The following TAF1L variants were observed in gnomAD, a reference collection of about 807,000 sequenced individuals.
The protein encoded by TAF1L is transcription initiation factor TFIID subunit 1-like.
A neutral mutation model predicts 128.8 loss-of-function variants in TAF1L; 30 were observed. The ratio of observed to expected loss-of-function variants is 0.23; its 90% CI spans 0.17 to 0.32. The LOEUF (loss-of-function observed/expected upper bound fraction) is 0.32. Ranked by LOEUF, TAF1L falls within the 10% of genes least tolerant of loss-of-function variation. The pLI is 1.00. For missense variants in TAF1L, 2,099 were observed against 2,253.7 expected (o/e 0.93, Z 1.39); for synonymous variants, 764 against 790.7 (o/e 0.97, Z 0.57).
rs150301057 is a variant in TAF1L at position 32,632,439 on chromosome 9, C to T, written c.3141G>A (p.Val1047=). The change falls in exon 1 of 1, where the codon GTG becomes GTA. Residue 1047 remains valine (V), a synonymous_variant. Coordinates refer to ENST00000242310, the MANE Select transcript of TAF1L (RefSeq NM_153809.2). This position sits in a 1 kb window ranked among gnomAD's most constrained non-coding sequence, Gnocchi z 4.4. ...KKLSRWEVID[V]VRTMSTEQAH... ...CCTGTTCTGTTGACATTGTGCGCAC[C>T]ACATCAATCACTTCCCAGCGGGACA... The T allele has an allele frequency of 1.2e-5, 20 of 1,614,096 alleles. No homozygotes were observed. The highest frequency in any genetic ancestry group is 8.0e-5 in the African/African-American group (6 of 74,938).
In TAF1L at chr9:32,635,182, A is replaced by C; in HGVS notation, c.398T>G (p.Leu133Arg). 6.2e-7 allele frequency: 1 copy of C among 1,614,096 alleles called. No homozygotes were observed. The highest frequency in any genetic ancestry group is 8.5e-7 in the Non-Finnish European group (1 of 1,180,020). Residue 133 changes from leucine (L) to arginine (R), a missense_variant, in exon 1 of 1, where the codon CTT becomes CGT. Physicochemically the swap from Leu to Arg is moderately radical, Grantham distance 102. Transcript: ENST00000242310. ...ATCTTCATCATAATCCGAGTGGTAAAGGGGCTGCAAGCTCCCCATCGTCTG... is the reference window on the plus strand; with the variant it reads ...ATCTTCATCATAATCCGAGTGGTAACGGGGCTGCAAGCTCCCCATCGTCTG... ...HQQTMGSLQP[L>R]YHSDYDEDDY... is the part of the protein sequence containing the mutation.
rs1400177714 is a variant in TAF1L at position 32,631,381 on chromosome 9, G to A, written c.4199C>T (p.Pro1400Leu). ...HKSIHRRRTD[P>L]MVTLSSILES... Reference sequence around the variant, plus strand: ...CAGGATGGATGACAGCGTCACCATAGGGTCTGTGCGGCGTCGGTGGATGGA... The same window carrying A: ...CAGGATGGATGACAGCGTCACCATAAGGTCTGTGCGGCGTCGGTGGATGGA... Residue 1400 changes from proline to leucine, a missense_variant, in exon 1 of 1, where the codon CCT (proline) becomes CTT (leucine). Physicochemically the swap from Pro to Leu is moderately conservative, Grantham distance 98 (BLOSUM62 -3). Coordinates refer to ENST00000242310, the MANE Select transcript of TAF1L (RefSeq NM_153809.2). The surrounding 1 kb of genome is among the most constrained non-coding windows in gnomAD (Gnocchi z 4.1). 6.2e-7 allele frequency: 1 copy of A among 1,614,202 alleles called. No individual in the cohort carries two copies. Among genetic ancestry groups the A allele is most frequent in the Admixed American group, 1.7e-5 (1 of 60,028 alleles).
rs564735386 is a variant in TAF1L at position 32,635,436 on chromosome 9, C to T, written c.144G>A (p.Ala48=). The T allele has an allele frequency of 6.8e-6, 11 of 1,614,186 alleles. No individual in the cohort carries two copies. The East Asian group carries it at 8.9e-5, about 13-fold the overall frequency. Residue 48 remains alanine, a synonymous_variant, in exon 1 of 1, where the codon GCG becomes GCA. Transcript: ENST00000242310. ...AGILFGNISG[A]GQLEGESVLD... is the part of the protein sequence containing the mutation. ...AGACGCTTTCCCCCTCCAGCTGCCC[C>T]GCTCCACTGATGTTGCCGAAAAGGA...
rs180733445 is a variant in TAF1L, at chr9:32,632,287, G to A, written c.3293C>T (p.Ser1098Leu). 2 of 1,614,216 alleles carry A rather than the reference G, an allele frequency of 1.2e-6. No individual in the cohort carries two copies. Among genetic ancestry groups the A allele is most frequent in the African/African-American group, 1.3e-5 (1 of 75,044 alleles). Reference protein sequence around the residue: ...IFDLQNKVLSSTEVLSTDTDS... With the variant: ...IFDLQNKVLSLTEVLSTDTDS... ...TGTGTCAGTTGATAAGACCTCAGTT[G>A]ATGACAGAACCTTGTTCTGTAGGTC... The change falls in exon 1 of 1, where the codon TCA becomes TTA. Residue 1098 changes from serine (S) to leucine (L), a missense_variant. Transcript: ENST00000242310. The surrounding 1 kb of genome is among the most constrained non-coding windows in gnomAD (Gnocchi z 4.4).
rs1438265702 is a variant in TAF1L, at chr9:32,633,910, C to T, written c.1670G>A (p.Ser557Asn). ...ACCTGTTTTGCCCAAGAGAATTCGACTCTTCTTCAGAGATGATTCCTTCTT... is the reference window on the plus strand; with the variant it reads ...ACCTGTTTTGCCCAAGAGAATTCGATTCTTCTTCAGAGATGATTCCTTCTT... ...ESKKESSLKK[S>N]RILLGKTGVI... The change falls in exon 1 of 1, where the codon AGT becomes AAT. Residue 557 changes from serine to asparagine, a missense_variant. Around this residue, in one of 4 missense-constraint regions of TAF1L, gnomAD observed 1,213 missense variants for 1,391.4 expected, o/e 0.87. Transcript: ENST00000242310. The T allele has an allele frequency of 1.2e-6, 2 of 1,614,192 alleles. No homozygotes were observed. The highest frequency in any genetic ancestry group is 1.7e-6 in the Non-Finnish European group (2 of 1,180,048).
At position 32,634,899 on chromosome 9, in the gene TAF1L, C is replaced by T. The variant is rs55962761; in HGVS notation, c.681G>A (p.Leu227=). The part of the protein sequence containing the change: ...ATQAESEDGK[L]TLPLAGIMQH... Reference sequence around the variant, plus strand: ...GCATAATCCCAGCCAATGGAAGGGTCAGCTTTCCATCCTCAGATTCTGCCT... The same window carrying T: ...GCATAATCCCAGCCAATGGAAGGGTTAGCTTTCCATCCTCAGATTCTGCCT... Residue 227 remains leucine, a synonymous_variant, in exon 1 of 1, where the codon CTG becomes CTA. Transcript: ENST00000242310. 6.2e-7 allele frequency: 1 copy of T among 1,614,188 alleles called. No homozygotes were observed. The highest frequency in any genetic ancestry group is 1.3e-5 in the African/African-American group (1 of 75,042).
Position 32,631,103 on chromosome 9 carries a change from G to A in TAF1L, c.4477C>T (p.Leu1493=). 1 of 1,614,182 alleles carries A rather than the reference G, an allele frequency of 6.2e-7. No homozygotes were observed. The part of the protein sequence containing the change: ...HSLTQISQSM[L]DLCDEKLKEK... ...TTAAGTTTTTCATCACAGAGATCCA[G>A]CATGGATTGAGAGATCTGAGTCAAT... The change falls in exon 1 of 1, where the codon CTG becomes TTG. Residue 1493 remains leucine (L), a synonymous_variant. Transcript: ENST00000242310. This position sits in a 1 kb window ranked among gnomAD's most constrained non-coding sequence, Gnocchi z 4.1.
Position 32,634,073 on chromosome 9 carries a change from T to G in TAF1L, c.1507A>C (p.Ile503Leu). 2.5e-6 allele frequency: 4 copies of G among 1,614,178 alleles called. No individual in the cohort carries two copies. Among genetic ancestry groups the G allele is most frequent in the Non-Finnish European group, 3.4e-6 (4 of 1,180,032 alleles). Residue 503 changes from isoleucine to leucine, a missense_variant, in exon 1 of 1, where the codon ATC becomes CTC. Ile to Leu is a conservative substitution (Grantham distance 5). Transcript: ENST00000242310. ...GGCATGGCCTGAGCATCCCAAATGA[T>G]ATTGTCCTCCCAGCGTCCATACACC... ...DLVYGRWEDNIIWDAQAMPRL... is the reference protein window; with the variant it reads ...DLVYGRWEDNLIWDAQAMPRL...
At position 32,633,601 on chromosome 9, in the gene TAF1L, T is replaced by C. The variant is rs1240311225; in HGVS notation, c.1979A>G (p.Lys660Arg). The change falls in exon 1 of 1, where the codon AAG (lysine) becomes AGG (arginine). Residue 660 changes from lysine to arginine, a missense_variant. Lys to Arg is a conservative substitution (Grantham distance 26). Coordinates refer to ENST00000242310, the MANE Select transcript of TAF1L (RefSeq NM_153809.2). ...PGPHSVQPLL[K>R]HIKKKAKMRE... ...CATCTTGGCCTTTTTTTTGATGTGC[T>C]TTAGCAAAGGTTGGACTGAATGGGG... 1 of 1,614,024 alleles carries C rather than the reference T, an allele frequency of 6.2e-7. No homozygotes were observed. The highest frequency in any genetic ancestry group is 8.5e-7 in the Non-Finnish European group (1 of 1,180,044).
Position 32,634,542 on chromosome 9 carries a change from A to G in TAF1L, c.1038T>C (p.Asp346=), listed in dbSNP as rs1219207787. The G allele has an allele frequency of 6.2e-7, 1 of 1,613,966 alleles. No homozygotes were observed. The highest frequency in any genetic ancestry group is 1.3e-5 in the African/African-American group (1 of 74,872). Residue 346 remains aspartate (D), a synonymous_variant, in exon 1 of 1, where the codon GAT becomes GAC. Coordinates refer to ENST00000242310, the MANE Select transcript of TAF1L (RefSeq NM_153809.2). Reference sequence around the variant, plus strand: ...GTTTGGTATCTGTCACTTTATCTACATCTCCAGTTGATTGGGAAAATTTGG... The same window carrying G: ...GTTTGGTATCTGTCACTTTATCTACGTCTCCAGTTGATTGGGAAAATTTGG... ...VESKFSQSTG[D]VDKVTDTKPR...
rs903003493 is a variant in TAF1L at position 32,631,319 on chromosome 9, T to C, written c.4261A>G (p.Thr1421Ala). Residue 1421 changes from threonine to alanine, a missense_variant, in exon 1 of 1, where the codon ACA (threonine) becomes GCA (alanine). This residue lies in a region of TAF1L where 1,213 missense variants were observed against 1,391.4 expected (regional missense o/e 0.87). Transcript: ENST00000242310. This position sits in a 1 kb window ranked among gnomAD's most constrained non-coding sequence, Gnocchi z 4.1. ...IINDMRDLPN[T>A]HPFHTPVNAK... is the part of the protein sequence containing the mutation. ...TTGACTGGAGTGTGGAAAGGGTGTG[T>C]ATTTGGAAGATCTCTCATGTCATTG... is the stretch of plus-strand genomic sequence containing the variant. 4 of 1,614,086 alleles carry C rather than the reference T, an allele frequency of 2.5e-6. No homozygotes were observed. The highest frequency in any genetic ancestry group is 3.4e-6 in the Non-Finnish European group (4 of 1,180,042).
chr9:32,634,351 C>T lies in TAF1L; in HGVS notation c.1229G>A (p.Ser410Asn), dbSNP rs1822555439. 2 of 1,614,202 alleles carry T rather than the reference C, an allele frequency of 1.2e-6. No individual in the cohort carries two copies. Among genetic ancestry groups the T allele is most frequent in the South Asian group, 1.1e-5 (1 of 91,088 alleles). Residue 410 changes from serine to asparagine, a missense_variant, in exon 1 of 1, where the codon AGC (serine) becomes AAC (asparagine). Physicochemically the swap from Ser to Asn is conservative, Grantham distance 46 (BLOSUM62 1). Transcript: ENST00000242310. ...GTCAGCCAGAAGATCAGTGCCATTG[C>T]TTTCCTCAAGTTTCCTAAATTCCTC... Reference protein sequence around the residue: ...MMEEFRKLEESNGTDLLADEN... With the variant: ...MMEEFRKLEENNGTDLLADEN...
chr9:32,634,659 C>A lies in TAF1L; in HGVS notation c.921G>T (p.Gln307His), dbSNP rs1822559799. The stretch of plus-strand genomic sequence containing the variant: ...CATAGTCATAGTTCCACAAAGACTT[C>A]TGGCTGACTTCTGATTCTACTGAGC... Reference protein sequence around the residue: ...VECSVESEVSQKSLWNYDYAP... With the variant: ...VECSVESEVSHKSLWNYDYAP... The change falls in exon 1 of 1, where the codon CAG becomes CAT. Residue 307 changes from glutamine (Q) to histidine (H), a missense_variant. Physicochemically the swap from Gln to His is conservative, Grantham distance 24. Transcript: ENST00000242310. The A allele has an allele frequency of 1.2e-6, 2 of 1,613,952 alleles. No individual in the cohort carries two copies. Among genetic ancestry groups the A allele is most frequent in the Non-Finnish European group, 1.7e-6 (2 of 1,180,002 alleles).
In TAF1L at chr9:32,633,785, G is replaced by C. The variant is rs1238204947; in HGVS notation, c.1795C>G (p.Leu599Val). 4 of 1,614,200 alleles carry C rather than the reference G, an allele frequency of 2.5e-6. No homozygotes were observed. Among genetic ancestry groups the C allele is most frequent in the Non-Finnish European group, 3.4e-6 (4 of 1,180,040 alleles). ...ATATTCCCTCCAAAGGTGCCCCGAA[G>C]ACCCTGTTGCTTGGGGAAATAATAC... ...DEYYFPKQQG[L>V]RGTFGGNIIQ... The change falls in exon 1 of 1, where the codon CTT becomes GTT. Residue 599 changes from leucine to valine, a missense_variant. Transcript: ENST00000242310.
In TAF1L at chr9:32,631,717, G is replaced by A. The variant is rs1161249097; in HGVS notation, c.3863C>T (p.Ala1288Val). ...TTTGTTAGTCCTCATATGTCCAATG[G>A]CACCACATGCCCCACATTTCAGTTT... is the stretch of plus-strand genomic sequence containing the variant. ...DLKLKCGACG[A>V]IGHMRTNKFC... Residue 1288 changes from alanine (A) to valine (V), a missense_variant, in exon 1 of 1, where the codon GCC (alanine) becomes GTC (valine). Ala to Val is a moderately conservative substitution (Grantham distance 64). Around this residue, in one of 4 missense-constraint regions of TAF1L, gnomAD observed 1,213 missense variants for 1,391.4 expected, o/e 0.87. Transcript: ENST00000242310. The surrounding 1 kb of genome is among the most constrained non-coding windows in gnomAD (Gnocchi z 4.1). 3.7e-6 allele frequency: 6 copies of A among 1,614,062 alleles called. No individual in the cohort carries two copies. Among genetic ancestry groups the A allele is most frequent in the South Asian group, 1.1e-5 (1 of 91,074 alleles).
Position 32,635,336 on chromosome 9 carries a change from C to T in TAF1L, c.244G>A (p.Ala82Thr), listed in dbSNP as rs762957358. The T allele has an allele frequency of 3.7e-6, 6 of 1,614,070 alleles. No individual in the cohort carries two copies. Among genetic ancestry groups the T allele is most frequent in the Non-Finnish European group, 4.2e-6 (5 of 1,180,040 alleles). Residue 82 changes from alanine to threonine, a missense_variant, in exon 1 of 1, where the codon GCA becomes ACA. Physicochemically the swap from Ala to Thr is moderately conservative, Grantham distance 58. Coordinates refer to ENST00000242310, the MANE Select transcript of TAF1L (RefSeq NM_153809.2). ...GLGSLITELT[A>T]NEELTGTGGA... is the part of the protein sequence containing the mutation. ...CCAGTCCCAGTCAATTCTTCATTTG[C>T]CGTGAGTTCAGTGATTAGGCTGCCC...
chr9:32,635,333 T>C lies in TAF1L; in HGVS notation c.247A>G (p.Asn83Asp), dbSNP rs150858533. The change falls in exon 1 of 1, where the codon AAT (asparagine) becomes GAT (aspartate). Residue 83 changes from asparagine to aspartate, a missense_variant. Physicochemically the swap from Asn to Asp is conservative, Grantham distance 23 (BLOSUM62 1). Transcript: ENST00000242310. ...CCGCCAGTCCCAGTCAATTCTTCAT[T>C]TGCCGTGAGTTCAGTGATTAGGCTG... ...LGSLITELTA[N>D]EELTGTGGAL... 2.6e-5 allele frequency: 42 copies of C among 1,614,026 alleles called. No individual in the cohort carries two copies. The highest frequency in any genetic ancestry group is 3.5e-5 in the Non-Finnish European group (41 of 1,180,036).
chr9:32,630,457 T>A lies in TAF1L; in HGVS notation c.5123A>T (p.Gln1708Leu). The stretch of plus-strand genomic sequence containing the variant: ...AGAGTCTTCCTCACCCAGCCTACCT[T>A]GGCCCTGGCACATCTGTTTTTCTGG... The part of the protein sequence containing the change: ...ATPEKQMCQG[Q>L]GRLGEEDSDV... The change falls in exon 1 of 1, where the codon CAA (glutamine) becomes CTA (leucine). Residue 1708 changes from glutamine to leucine, a missense_variant. This residue lies in a region of TAF1L where 404 missense variants were observed against 406.5 expected (regional missense o/e 0.99). Coordinates refer to ENST00000242310, the MANE Select transcript of TAF1L (RefSeq NM_153809.2). 1 of 1,614,144 alleles carries A rather than the reference T, an allele frequency of 6.2e-7. No homozygotes were observed. The highest frequency in any genetic ancestry group is 1.1e-5 in the South Asian group (1 of 91,076).
chr9:32,633,089 A>G lies in TAF1L; in HGVS notation c.2491T>C (p.Tyr831His), dbSNP rs200185097. ...HIRDFLQVFI[Y>H]RLFWKSKDRP... ...TCTTTACTCTTCCAGAAAAGGCGGT[A>G]AATAAAAACCTGTAGAAAGTCTCGA... Residue 831 changes from tyrosine to histidine, a missense_variant, in exon 1 of 1, where the codon TAC becomes CAC. Physicochemically the swap from Tyr to His is moderately conservative, Grantham distance 83. Transcript: ENST00000242310. The G allele has an allele frequency of 1.1e-4, 181 of 1,614,060 alleles. 1 individual carries two copies. Among genetic ancestry groups the G allele is most frequent in the Non-Finnish European group, 1.3e-4 (151 of 1,180,026 alleles).
Sources: allele counts gnomAD v4.1 joint callset, GRCh38; gene constraint gnomAD v4.1.1; regional missense constraint gnomAD v4.1.1; non-coding constraint Gnocchi (gnomAD v3.1); transcripts MANE v1.5; gene names NCBI Gene and HGNC (gene_info 2026-07-23, HGNC 2026-07-21).